The following ZBTB34 variants were observed in gnomAD, a reference collection of about 807,000 sequenced individuals.
The protein encoded by ZBTB34 is zinc finger and BTB domain containing 34.
A neutral mutation model predicts 33.4 loss-of-function variants in ZBTB34; 1 was observed. That is an observed-to-expected ratio of 0.03 (90% CI 0.01 to 0.14). The LOEUF is 0.14. ZBTB34 is among the 10% of genes least tolerant of loss of function. The probability of loss-of-function intolerance (pLI) is 1.00; values close to 1 mark genes in which losing one functional copy is unlikely to be tolerated. For synonymous variants in ZBTB34, 283 were observed against 253.5 expected (o/e 1.12, Z -1.11); for missense variants, 406 against 657.2 (o/e 0.62, Z 4.18).
At chr9:126,871,289 A>G (rs2033275461) in intron 1 of ZBTB34, among the ~76,000 whole-genome samples, 1 of 151,804 alleles carries the variant, frequency 6.6e-6, no homozygotes, top group Non-Finnish European at 1.5e-5. Flanking sequence ...ACGTTGTGAT[A>G]TAGCCATCCA....
intron 1 of ZBTB34, among the ~76,000 whole-genome samples, chr9:126,876,608 T>TA (rs1258697802): frequency 2.0e-5 from 3 of 152,198 alleles, no homozygotes; most frequent in African/African-American, 7.2e-5. Context: ...TTAGATGAAG[T>TA]AGACAGTTTT....
chr9:126,875,410 T>G (rs545496950), intron 1 of ZBTB34, among the ~76,000 whole-genome samples: 2 of 152,346 alleles, frequency 1.3e-5, no homozygotes, highest in South Asian at 4.1e-4. Context: ...CAGGCTATGT[T>G]ATATTTATAA....
rs751024721 is a variant in ZBTB34 at position 126,880,485 on chromosome 9, G to A, written c.1086G>A (p.Glu362=). Residue 362 remains glutamate (E), a synonymous_variant, in exon 2 of 2, where the codon GAG becomes GAA. Transcript: ENST00000319119. This position sits in a 1 kb window ranked among gnomAD's most constrained non-coding sequence, Gnocchi z 6.7. ...CCGGGTATGAGAGCAGTCCCCGGGA[G>A]AGGAGTGCGAGAGGGCATTGGTACC... 1.9e-6 allele frequency: 3 copies of A among 1,613,728 alleles called. No individual in the cohort carries two copies. The highest frequency in any genetic ancestry group is 1.7e-6 in the Non-Finnish European group (2 of 1,179,898).
chr9:126,879,615 C>G lies in ZBTB34; in HGVS notation c.216C>G (p.Gly72=). The change falls in exon 2 of 2, where the codon GGC becomes GGG. Residue 72 remains glycine (G), a synonymous_variant. Transcript: ENST00000319119. This position sits in a 1 kb window ranked among gnomAD's most constrained non-coding sequence, Gnocchi z 6.4. ...ATTCAGCGTTAAGTACCATGAGTGG[C>G]TTGTCAATATCAGTGATTAAAAATC... The G allele has an allele frequency of 6.2e-7, 1 of 1,613,860 alleles. No homozygotes were observed. The highest frequency in any genetic ancestry group is 8.5e-7 in the Non-Finnish European group (1 of 1,179,884).
chr9:126,876,359 A>AT (rs1017062114), intron 1 of ZBTB34, among the ~76,000 whole-genome samples: 37 of 148,566 alleles, frequency 2.5e-4, no homozygotes, highest in African/African-American at 9.2e-4. Context: ...CTAGCCTATT[A>AT]TTTTTGCCTT....
chr9:126,879,373 A>ACT lies in ZBTB34; in HGVS notation c.-10-7_-10-6dup. 2 of 1,571,458 alleles carry ACT rather than the reference A, an allele frequency of 1.3e-6. No homozygotes were observed. Among genetic ancestry groups the ACT allele is most frequent in the Non-Finnish European group, 8.6e-7 (1 of 1,156,580 alleles). ...GAGGAGTCATTGGTGAATGATGCAAACTCTCTCTCTCCGCAGAGTACGCTT... is the reference window on the plus strand; with the variant it reads ...GAGGAGTCATTGGTGAATGATGCAAACTCTCTCTCTCTCCGCAGAGTACGCTT... On this transcript the variant is annotated splice_polypyrimidine_tract_variant and intron_variant, in intron 1 of 1. Transcript: ENST00000319119. The surrounding 1 kb of genome is among the most constrained non-coding windows in gnomAD (Gnocchi z 6.4).
intron 1 of ZBTB34, among the ~76,000 whole-genome samples, chr9:126,877,882 G>A (rs2033382994): frequency 1.3e-5 from 2 of 151,952 alleles, no homozygotes; most frequent in South Asian, 2.1e-4. Flanking sequence ...GTGCACGCCT[G>A]TAGTCCAGCT....
chr9:126,865,339 TG>T (rs531302652), intron 1 of ZBTB34, among the ~76,000 whole-genome samples: 27 of 152,254 alleles, frequency 1.8e-4, no homozygotes, highest in Non-Finnish European at 2.6e-4. Flanking sequence ...GACACACTGC[TG>T]GGCTCTGGGC....
chr9:126,866,824 G>T (rs2033207974), intron 1 of ZBTB34, among the ~76,000 whole-genome samples: 1 of 152,054 alleles, frequency 6.6e-6, no homozygotes, highest in South Asian at 2.1e-4. Flanking sequence ...AAATGCAAAG[G>T]TATAAAATAA....
intron 1 of ZBTB34, among the ~76,000 whole-genome samples, chr9:126,872,563 T>G (rs1189576846): frequency 6.6e-6 from 1 of 152,180 alleles, no homozygotes; most frequent in African/African-American, 2.4e-5. Flanking sequence ...TATTTGAACT[T>G]GAATTGTGCC....
chr9:126,871,984 G>A (rs1440736703), intron 1 of ZBTB34, among the ~76,000 whole-genome samples: 3 of 149,472 alleles, frequency 2.0e-5, no homozygotes, highest in South Asian at 4.2e-4. Flanking sequence ...ATGGAGATTC[G>A]CTCTTGTTGC....
intron 1 of ZBTB34, among the ~76,000 whole-genome samples, chr9:126,867,416 T>C (rs1054182287): frequency 6.6e-6 from 1 of 151,566 alleles, no homozygotes; most frequent in Non-Finnish European, 1.5e-5. Context: ...AAGTAAATTT[T>C]AGCATCTTTG....
chr9:126,873,345 C>A (rs1412921228), intron 1 of ZBTB34, among the ~76,000 whole-genome samples: 1 of 152,112 alleles, frequency 6.6e-6, no homozygotes, highest in Non-Finnish European at 1.5e-5. Flanking sequence ...CTCATTGTAA[C>A]CTTGACCTCC....
At chr9:126,862,922 T>G (rs1197853101) in intron 1 of ZBTB34, among the ~76,000 whole-genome samples, 2 of 152,184 alleles carry the variant, frequency 1.3e-5, no homozygotes, top group Non-Finnish European at 2.9e-5. Context: ...TGCCTTTTTT[T>G]TTTTTTAAGG....
intron 1 of ZBTB34, among the ~76,000 whole-genome samples, chr9:126,867,862 T>C (rs1012611688): frequency 6.6e-6 from 1 of 152,032 alleles, no homozygotes; most frequent in African/African-American, 2.4e-5. Flanking sequence ...CATTCCTTGG[T>C]GCTTTATAAG....
intron 1 of ZBTB34, among the ~76,000 whole-genome samples, chr9:126,870,114 C>G (rs2033258855): frequency 1.3e-5 from 2 of 152,040 alleles, no homozygotes; most frequent in South Asian, 4.1e-4. Flanking sequence ...GACAGAAACA[C>G]CTATGATTAA....
rs531456779 is a variant in ZBTB34, at chr9:126,870,665, G to A, written c.-10-8725G>A. ...AATGCAGCCGGGCGCAGTGGCTCACGCCTGTAATCCCAGCACTTTGGGAGG... is the reference window on the plus strand; with the variant it reads ...AATGCAGCCGGGCGCAGTGGCTCACACCTGTAATCCCAGCACTTTGGGAGG... On this transcript the variant is annotated intron_variant, in intron 1 of 1. Coordinates refer to ENST00000319119, the Ensembl canonical transcript of ZBTB34. Among the ~76,000 whole-genome samples the A allele has an allele frequency of 9.2e-5, 14 of 152,242 alleles. No individual in the cohort carries two copies. The East Asian group carries it at 2.5e-3, about 27-fold the overall frequency.
At position 126,879,967 on chromosome 9, in the gene ZBTB34, C is replaced by G. The variant is rs1446040725; in HGVS notation, c.568C>G (p.Pro190Ala). Residue 190 changes from proline to alanine, a missense_variant, in exon 2 of 2, where the codon CCC (proline) becomes GCC (alanine). Pro to Ala is a conservative substitution (Grantham distance 27). This residue lies in a region of ZBTB34 where 137 missense variants were observed against 173.0 expected (regional missense o/e 0.79). Transcript: ENST00000319119. This position sits in a 1 kb window ranked among gnomAD's most constrained non-coding sequence, Gnocchi z 6.4. ...CAGTGACCTCCGGATGGAGACGACC[C>G]CCAGCAAAGCTTTGCGCAGCCGCTT... 6.2e-7 allele frequency: 1 copy of G among 1,613,322 alleles called. No individual in the cohort carries two copies. Among genetic ancestry groups the G allele is most frequent in the Admixed American group, 1.7e-5 (1 of 60,008 alleles).
At chr9:126,875,378 G>A (rs576644019) in intron 1 of ZBTB34, among the ~76,000 whole-genome samples, 3 of 152,070 alleles carry the variant, frequency 2.0e-5, no homozygotes, top group African/African-American at 4.8e-5. Flanking sequence ...CATTTTTTCG[G>A]ATTTCTAAGA....
Sources: gnomAD v4.1 joint callset for allele counts (sites outside exome capture counted in the v4.1 genomes callset) on GRCh38, gnomAD v4.1.1 for gene constraint, gnomAD v4.1.1 regional missense constraint, Gnocchi (gnomAD v3.1) non-coding constraint, MANE v1.5 for transcripts, NCBI Gene and HGNC (gene_info 2026-07-23, HGNC 2026-07-21) for gene names.